ZSWIM6: variants seen among roughly 807,000 people sequenced by gnomAD.
The protein encoded by ZSWIM6 is zinc finger SWIM-type containing 6.
Under a neutral mutation model 113.2 loss-of-function variants are expected in ZSWIM6, and 9 were observed. The observed-to-expected ratio is 0.08, with a 90% CI of 0.05 to 0.14. The LOEUF (loss-of-function observed/expected upper bound fraction) is 0.14, where lower values mean the gene tolerates loss of function less well. ZSWIM6 is among the 10% of genes least tolerant of loss of function. ZSWIM6 has a pLI of 1.00. For synonymous variants in ZSWIM6, 611 were observed against 606.5 expected, an observed-to-expected ratio of 1.01 and a Z score of -0.11; for missense variants, 1,162 against 1,552.2, an observed-to-expected ratio of 0.75 and a Z score of 4.22.
At chr5:61,374,627 T>C (rs969545567) in intron 1 of ZSWIM6, among the ~76,000 whole-genome samples, 8 of 152,084 alleles carry the variant, frequency 5.3e-5, no homozygotes, top group African/African-American at 1.2e-4. Context: ...GATCTCGGCT[T>C]ACTGCAAGCT....
chr5:61,367,926 A>G (rs1745193350), intron 1 of ZSWIM6, among the ~76,000 whole-genome samples: 1 of 152,126 alleles, frequency 6.6e-6, no homozygotes, highest in Non-Finnish European at 1.5e-5. Context: ...GTTTGAGACC[A>G]GCCTCTGTAA....
chr5:61,524,247 A>C (rs903182347), intron 5 of ZSWIM6, among the ~76,000 whole-genome samples: 2 of 152,124 alleles, frequency 1.3e-5, no homozygotes, highest in African/African-American at 4.8e-5. Flanking sequence ...CAATAGATTC[A>C]AAACGTCCTT....
At chr5:61,392,680 G>A (rs936434930) in intron 1 of ZSWIM6, among the ~76,000 whole-genome samples, 9 of 152,030 alleles carry the variant, frequency 5.9e-5, no homozygotes, top group African/African-American at 1.4e-4. Context: ...TGGCGTGATC[G>A]CAGCTCACCG....
intron 1 of ZSWIM6, among the ~76,000 whole-genome samples, chr5:61,425,828 C>T (rs903395974): frequency 1.2e-4 from 19 of 152,168 alleles, no homozygotes; most frequent in Non-Finnish European, 2.8e-4. Flanking sequence ...GTATATGGGC[C>T]TGGTGGCAGC....
chr5:61,474,398 G>T (rs1453901801), intron 2 of ZSWIM6, among the ~76,000 whole-genome samples: 2 of 152,082 alleles, frequency 1.3e-5, no homozygotes, highest in African/African-American at 4.8e-5. Context: ...TTAACCACAT[G>T]CATAGTTTTA....
At chr5:61,513,599 A>G (rs1023126594) in intron 4 of ZSWIM6, among the ~76,000 whole-genome samples, 2 of 151,998 alleles carry the variant, frequency 1.3e-5, no homozygotes, top group Admixed American at 6.6e-5. Context: ...TAGCAGTTTT[A>G]TGGTTTTAAT....
intron 1 of ZSWIM6, among the ~76,000 whole-genome samples, chr5:61,380,215 A>G (rs559560001): frequency 2.0e-5 from 3 of 152,126 alleles, no homozygotes; most frequent in African/African-American, 7.2e-5. Flanking sequence ...AGCTGGGATT[A>G]CAGGCACCCG....
At chr5:61,424,303 G>A (rs1333087910) in intron 1 of ZSWIM6, among the ~76,000 whole-genome samples, 1 of 152,216 alleles carries the variant, frequency 6.6e-6, no homozygotes, top group Non-Finnish European at 1.5e-5. Flanking sequence ...ATAAGGTACA[G>A]GGCTCGATTA....
chr5:61,332,746 CCCGGCCGCAACCTCG>C lies in ZSWIM6; in HGVS notation c.475_489del (p.Pro159_Ser163del), dbSNP rs1561194144. ...GCGGCGGCGGCGGCTCCTCGTCTTCCCCGGCCGCAACCTCGGCGGCCGCAACCTCGGCCGCCGCCG... is the reference window on the plus strand; with the variant it reads ...GCGGCGGCGGCGGCTCCTCGTCTTCCGCGGCCGCAACCTCGGCCGCCGCCG... On this transcript the variant is annotated inframe_deletion, in exon 1 of 14. Coordinates refer to ENST00000252744, the MANE Select transcript of ZSWIM6 (RefSeq NM_020928.2). 1.1e-6 allele frequency: 1 copy of C among 942,306 alleles called. No homozygotes were observed. The highest frequency in any genetic ancestry group is 1.2e-6 in the Non-Finnish European group (1 of 800,512). The allele number at this position is 942,306 out of a possible 1,614,324, so 58.4% of individuals were successfully genotyped here. A position where few individuals can be genotyped will look rare whatever the true frequency, so the allele number is the denominator to read the frequency against.
chr5:61,374,222 T>C (rs1302001398), intron 1 of ZSWIM6, among the ~76,000 whole-genome samples: 3 of 152,240 alleles, frequency 2.0e-5, no homozygotes, highest in Admixed American at 2.0e-4. Context: ...CCGGATCATC[T>C]GTAGAGGTCT....
chr5:61,339,349 G>A (rs920385712), intron 1 of ZSWIM6, among the ~76,000 whole-genome samples: 4 of 152,112 alleles, frequency 2.6e-5, no homozygotes, highest in African/African-American at 4.8e-5. Flanking sequence ...GAGGCTGCAG[G>A]CTGCAGTGAG....
At chr5:61,486,669 T>C (rs1748029144) in intron 2 of ZSWIM6, among the ~76,000 whole-genome samples, 1 of 152,214 alleles carries the variant, frequency 6.6e-6, no homozygotes, top group Non-Finnish European at 1.5e-5. Flanking sequence ...CATTGTGGTT[T>C]TGACTTGCAT....
At chr5:61,460,356 A>G (rs765554219) in intron 1 of ZSWIM6, among the ~76,000 whole-genome samples, 16 of 152,198 alleles carry the variant, frequency 1.1e-4, no homozygotes, top group Non-Finnish European at 2.9e-5. Flanking sequence ...ACCTTTTACT[A>G]GTAAATAGAG....
chr5:61,432,196 C>T (rs1746597877), intron 1 of ZSWIM6, among the ~76,000 whole-genome samples: 1 of 152,216 alleles, frequency 6.6e-6, no homozygotes, highest in Non-Finnish European at 1.5e-5. Context: ...CTTCCCTCTT[C>T]TCTAAAACAT....
chr5:61,384,197 C>T (rs1485555450), intron 1 of ZSWIM6, among the ~76,000 whole-genome samples: 2 of 146,786 alleles, frequency 1.4e-5, no homozygotes, highest in Non-Finnish European at 3.0e-5. Context: ...GCCGAGATTG[C>T]GCCACTGCAG....
intron 1 of ZSWIM6, among the ~76,000 whole-genome samples, chr5:61,334,167 G>C (rs1285308792): frequency 6.6e-6 from 1 of 152,230 alleles, no homozygotes; most frequent in Admixed American, 6.5e-5. Context: ...TTCTCTGACA[G>C]ATCCTGAGAG....
At chr5:61,531,349 T>A in intron 8 of ZSWIM6, 116 bp from the exon 9 acceptor site, 1 of 1,249,788 alleles carries the variant, frequency 8.0e-7, no homozygotes, top group Non-Finnish European at 1.1e-6. Flanking sequence ...TTTCTGGCTT[T>A]CTCAGCATTA....
intron 1 of ZSWIM6, among the ~76,000 whole-genome samples, chr5:61,377,102 G>C (rs533651426): frequency 6.6e-6 from 1 of 152,192 alleles, no homozygotes; most frequent in South Asian, 2.1e-4. Flanking sequence ...TATAGATCTA[G>C]ATCAGTGAAA....
At chr5:61,379,488 A>G (rs1273205681) in intron 1 of ZSWIM6, among the ~76,000 whole-genome samples, 3 of 152,100 alleles carry the variant, frequency 2.0e-5, no homozygotes, top group South Asian at 2.1e-4. Flanking sequence ...TGCCTTTTAT[A>G]GTTTCATTTT....
Sources: gnomAD v4.1 joint callset for allele counts (sites outside exome capture counted in the v4.1 genomes callset) on GRCh38, gnomAD v4.1.1 for gene constraint, MANE v1.5 for transcripts, NCBI Gene and HGNC (gene_info 2026-07-23, HGNC 2026-07-21) for gene names.